Variants in NALCN observed in about 807,000 individuals in gnomAD.
The protein encoded by NALCN is sodium leak channel, non-selective.
A neutral mutation model predicts 225.3 loss-of-function variants in NALCN; 111 were observed. That is an observed-to-expected ratio of 0.49 (90% CI 0.42 to 0.58). The LOEUF (loss-of-function observed/expected upper bound fraction) is 0.58, where lower values mean the gene tolerates loss of function less well. NALCN is among the 20% of genes least tolerant of loss of function. The probability of loss-of-function intolerance (pLI) is 0.00; values close to 1 mark genes in which losing one functional copy is unlikely to be tolerated. For synonymous variants in NALCN, 764 were observed against 769.0 expected (o/e 0.99, Z 0.11); for missense variants, 1,378 against 2,202.4 (o/e 0.63, Z 7.49).
intron 31 of NALCN, 42 bp downstream of exon 31, chr13:101,083,669 C>A (rs1245881101): frequency 6.3e-7 from 1 of 1,586,436 alleles, no homozygotes; most frequent in Non-Finnish European, 8.6e-7. Context: ...GAATCGTGCA[C>A]ACTAGTGCCC....
At chr13:101,315,898 G>C (rs199672276) in intron 7 of NALCN, among the ~76,000 whole-genome samples, 1 of 147,900 alleles carries the variant, frequency 6.8e-6, no homozygotes, top group East Asian at 2.0e-4. Context: ...TGTTTTTTTT[G>C]TTCCTATCTG....
intron 7 of NALCN, among the ~76,000 whole-genome samples, chr13:101,332,201 A>T (rs1488274528): frequency 6.6e-6 from 1 of 152,156 alleles, no homozygotes; most frequent in Non-Finnish European, 1.5e-5. Flanking sequence ...TGTTTTGAGA[A>T]GATAATACCT....
chr13:101,144,095 A>T (rs2037225052), intron 16 of NALCN, among the ~76,000 whole-genome samples: 1 of 152,200 alleles, frequency 6.6e-6, no homozygotes, highest in Non-Finnish European at 1.5e-5. Context: ...AGCTAGTAAC[A>T]TATTACTGTA....
chr13:101,191,784 A>T (rs1484735338), intron 14 of NALCN, 133 bp downstream of exon 14: 1 of 787,738 alleles, frequency 1.3e-6, no homozygotes, highest in Non-Finnish European at 1.9e-6. Flanking sequence ...GGAAGGAGGG[A>T]TCTCATCCAA....
intron 19 of NALCN, 37 bp from the exon 20 acceptor site, chr13:101,110,725 G>A (rs1040328709): frequency 1.2e-6 from 2 of 1,603,812 alleles, no homozygotes; most frequent in East Asian, 2.2e-5. Flanking sequence ...TACATCTCAA[G>A]ATCAAACTGG....
chr13:101,390,804 G>A (rs1287130985), intron 3 of NALCN, among the ~76,000 whole-genome samples: 1 of 149,766 alleles, frequency 6.7e-6, no homozygotes, highest in Non-Finnish European at 1.5e-5. Flanking sequence ...AAACACCTTC[G>A]AAAAGTTAGA....
chr13:101,116,426 C>T (rs961568669), intron 18 of NALCN: 4 of 411,312 alleles, frequency 9.7e-6, no homozygotes, highest in Non-Finnish European at 1.4e-5. Flanking sequence ...TTAAAATTGG[C>T]CCAAAGATTA....
intron 15 of NALCN, among the ~76,000 whole-genome samples, chr13:101,157,139 G>A (rs2037944040): frequency 6.6e-6 from 1 of 151,958 alleles, no homozygotes; most frequent in Non-Finnish European, 1.5e-5. Flanking sequence ...AGTTATCAAG[G>A]CAGATGGTTC....
At chr13:101,313,645 A>C (rs2044440295) in intron 7 of NALCN, among the ~76,000 whole-genome samples, 2 of 152,224 alleles carry the variant, frequency 1.3e-5, no homozygotes, top group Non-Finnish European at 2.9e-5. Context: ...ACCAATCATT[A>C]AAATGTCAGG....
intron 7 of NALCN, among the ~76,000 whole-genome samples, chr13:101,318,335 GT>G (rs1363365342): frequency 2.0e-5 from 3 of 152,138 alleles, no homozygotes; most frequent in African/African-American, 7.2e-5. Context: ...CTGCGGTGGG[GT>G]GGTCAGCTCT....
chr13:101,328,365 G>A (rs529193204), intron 7 of NALCN, among the ~76,000 whole-genome samples: 56 of 152,142 alleles, frequency 3.7e-4, no homozygotes, highest in African/African-American at 1.3e-3. Context: ...AGGCTAGAGT[G>A]CGGTGGCGTG....
chr13:101,139,088 G>A (rs1193427683), intron 17 of NALCN, among the ~76,000 whole-genome samples: 4 of 152,138 alleles, frequency 2.6e-5, no homozygotes, highest in Non-Finnish European at 4.4e-5. Context: ...TCAGCCCCAA[G>A]ATTTTAAAGA....
intron 1 of NALCN, among the ~76,000 whole-genome samples, chr13:101,399,549 A>G (rs1428427693): frequency 6.6e-6 from 1 of 152,208 alleles, no homozygotes; most frequent in Non-Finnish European, 1.5e-5. Flanking sequence ...AGTAATACAG[A>G]TGAAATGCAC....
At chr13:101,168,878 T>A (rs2038580659) in intron 15 of NALCN, among the ~76,000 whole-genome samples, 1 of 152,178 alleles carries the variant, frequency 6.6e-6, no homozygotes, top group African/African-American at 2.4e-5. Context: ...ACTCTGTTTT[T>A]TTCCCACCTA....
chr13:101,072,194 A>G (rs2032939279), intron 37 of NALCN, among the ~76,000 whole-genome samples: 1 of 152,226 alleles, frequency 6.6e-6, no homozygotes, highest in Admixed American at 6.5e-5. Context: ...CAGAACCAGA[A>G]AGTGAGCAAA....
At chr13:101,114,521 A>G (rs765395113) in intron 18 of NALCN, among the ~76,000 whole-genome samples, 2 of 151,578 alleles carry the variant, frequency 1.3e-5, no homozygotes, top group South Asian at 2.1e-4. Flanking sequence ...GAGGTGCTCT[A>G]CGGAGAGTTC....
intron 13 of NALCN, among the ~76,000 whole-genome samples, chr13:101,207,320 A>G (rs2040351600): frequency 6.6e-6 from 1 of 152,230 alleles, no homozygotes; most frequent in Admixed American, 6.5e-5. Flanking sequence ...ACATTTTCTT[A>G]CTGAAATGGT....
At chr13:101,100,722 G>A (rs889375921) in intron 27 of NALCN, 62 bp downstream of exon 27, 1 of 1,376,982 alleles carries the variant, frequency 7.3e-7, no homozygotes, top group Admixed American at 2.1e-5. Flanking sequence ...TAGGATTGTA[G>A]GCACATGCCA....
At chr13:101,088,434 C>T (rs2034038764) in intron 30 of NALCN, among the ~76,000 whole-genome samples, 2 of 152,134 alleles carry the variant, frequency 1.3e-5, no homozygotes. Flanking sequence ...CAACTTAATG[C>T]AGAGTGAAGG....
Sources: allele counts gnomAD v4.1 joint callset (sites outside exome capture counted in the v4.1 genomes callset), GRCh38; gene constraint gnomAD v4.1.1; transcripts MANE v1.5; gene names NCBI Gene and HGNC (gene_info 2026-07-23, HGNC 2026-07-21).